The following TESK2 variants were observed in gnomAD, a reference collection of about 807,000 sequenced individuals.
The protein encoded by TESK2 is dual specificity testis-specific protein kinase 2.
Under a neutral mutation model 57.1 loss-of-function variants are expected in TESK2, and 39 were observed. That is an observed-to-expected ratio of 0.68 (90% CI 0.53 to 0.89). TESK2 has a LOEUF of 0.89. Ranked by LOEUF, TESK2 falls within the 40% of genes least tolerant of loss-of-function variation. The probability of loss-of-function intolerance (pLI) is 0.00; values close to 1 mark genes in which losing one functional copy is unlikely to be tolerated. For missense variants in TESK2, 646 were observed against 732.1 expected, an observed-to-expected ratio of 0.88 and a Z score of 1.36; for synonymous variants, 249 against 267.9, an observed-to-expected ratio of 0.93 and a Z score of 0.69.
intron 1 of TESK2, among the ~76,000 whole-genome samples, chr1:45,483,276 G>C (rs1299781313): frequency 6.8e-6 from 1 of 146,654 alleles, no homozygotes. Flanking sequence ...GAGAGACTTC[G>C]TCTCAAAAAA....
At chr1:45,404,126 A>G (rs922231134) in intron 3 of TESK2, among the ~76,000 whole-genome samples, 4 of 152,202 alleles carry the variant, frequency 2.6e-5, no homozygotes, top group Non-Finnish European at 5.9e-5. Flanking sequence ...CAAAATAGAA[A>G]TATAGACTTC....
At chr1:45,446,396 A>C (rs1346738365) in intron 2 of TESK2, among the ~76,000 whole-genome samples, 1 of 151,994 alleles carries the variant, frequency 6.6e-6, no homozygotes, top group Admixed American at 6.6e-5. Flanking sequence ...AGGAGCTGGA[A>C]GCACCAGGGA....
intron 3 of TESK2, among the ~76,000 whole-genome samples, chr1:45,413,097 G>A (rs983309674): frequency 2.0e-5 from 3 of 152,218 alleles, no homozygotes; most frequent in Admixed American, 1.3e-4. Context: ...TACAGATCTT[G>A]AGCATAAGAC....
intron 2 of TESK2, among the ~76,000 whole-genome samples, chr1:45,437,241 G>A (rs374871010): frequency 2.2e-4 from 33 of 151,920 alleles, no homozygotes; most frequent in East Asian, 7.7e-4. Context: ...TTTCATTAGC[G>A]TTTTGCAGTT....
At chr1:45,399,780 G>C (rs1344189802) in intron 3 of TESK2, among the ~76,000 whole-genome samples, 2 of 152,168 alleles carry the variant, frequency 1.3e-5, no homozygotes, top group Non-Finnish European at 2.9e-5. Context: ...TTCCAAGGCA[G>C]GTCTTTTCCT....
At chr1:45,392,478 G>A (rs1030738021) in intron 3 of TESK2, among the ~76,000 whole-genome samples, 3 of 152,054 alleles carry the variant, frequency 2.0e-5, no homozygotes, top group African/African-American at 7.2e-5. Flanking sequence ...AGAAGCTGGC[G>A]GATCACCTCA....
intron 3 of TESK2, among the ~76,000 whole-genome samples, chr1:45,421,373 A>G (rs7536005): frequency 0.05 from 7,558 of 152,256 alleles, 663 homozygotes; most frequent in African/African-American, 0.17. Flanking sequence ...TTTAATTACA[A>G]TTTCCCAAAA....
rs536219253 is a variant in TESK2, at chr1:45,386,170, C to A, written c.345-210G>T. Among the ~76,000 whole-genome samples the A allele has an allele frequency of 2.0e-5, 3 of 151,904 alleles. No homozygotes were observed. In the South Asian group the frequency reaches 6.2e-4, roughly 32 times the overall value. ...GACCATCCTGGCCAACATGGTGAAACCACATCTCTATTAAAAATACAAAAA... is the reference window on the plus strand; with the variant it reads ...GACCATCCTGGCCAACATGGTGAAAACACATCTCTATTAAAAATACAAAAA... On this transcript the variant is annotated intron_variant, in intron 3 of 10. Transcript: ENST00000372086.
intron 3 of TESK2, among the ~76,000 whole-genome samples, chr1:45,392,431 G>A (rs1005081256): frequency 3.3e-5 from 5 of 151,880 alleles, no homozygotes; most frequent in East Asian, 2.0e-4. Flanking sequence ...AGCCCGGCGC[G>A]GTGGCTCACG....
At chr1:45,385,820 T>C in intron 4 of TESK2, 92 bp downstream of exon 4, 1 of 859,590 alleles carries the variant, frequency 1.2e-6, no homozygotes, top group Non-Finnish European at 1.8e-6. Flanking sequence ...TGCACATACA[T>C]TTTGTTTACA....
intron 1 of TESK2, among the ~76,000 whole-genome samples, chr1:45,485,073 TA>T (rs1207976037): frequency 6.6e-5 from 10 of 151,878 alleles, no homozygotes; most frequent in African/African-American, 2.2e-4. Context: ...AAATTAAAAA[TA>T]AAAAATAAAG....
At chr1:45,464,954 A>G (rs1211265309) in intron 1 of TESK2, among the ~76,000 whole-genome samples, 1 of 151,906 alleles carries the variant, frequency 6.6e-6, no homozygotes, top group Non-Finnish European at 1.5e-5. Context: ...TACAAAAATT[A>G]GGCCAGACAC....
At chr1:45,356,890 C>T (rs1647446202) in intron 4 of TESK2, among the ~76,000 whole-genome samples, 2 of 152,202 alleles carry the variant, frequency 1.3e-5, no homozygotes, top group East Asian at 1.9e-4. Context: ...AATAGGAGAA[C>T]ATTCTAAATG....
At chr1:45,457,931 T>C in intron 1 of TESK2, 60 bp from the exon 2 acceptor site, 2 of 633,734 alleles carry the variant, frequency 3.2e-6, no homozygotes, top group Non-Finnish European at 2.7e-6. Context: ...TGTAAAGCAA[T>C]AAATGCTCAA....
intron 1 of TESK2, among the ~76,000 whole-genome samples, chr1:45,483,801 C>A (rs1653337494): frequency 6.7e-6 from 1 of 149,576 alleles, no homozygotes; most frequent in African/African-American, 2.5e-5. Flanking sequence ...AGTTTGAGAC[C>A]AGCCTAGGCA....
chr1:45,355,712 C>A (rs1265828458), intron 4 of TESK2, among the ~76,000 whole-genome samples: 4 of 152,018 alleles, frequency 2.6e-5, no homozygotes, highest in Admixed American at 2.0e-4. Context: ...TAGGACAACA[C>A]CATGCAGCAA....
intron 3 of TESK2, among the ~76,000 whole-genome samples, chr1:45,401,789 G>T (rs932113976): frequency 6.6e-6 from 1 of 152,062 alleles, no homozygotes; most frequent in Non-Finnish European, 1.5e-5. Flanking sequence ...ACCACTTTTG[G>T]TTTTTGATTC....
rs534949003 is a variant in TESK2 at position 45,397,709 on chromosome 1, C to T, written c.345-11749G>A. 1.6e-4 allele frequency among the ~76,000 whole-genome samples: 25 copies of T among 152,288 alleles called. No homozygotes were observed. In the East Asian group the frequency reaches 3.7e-3, roughly 22 times the overall value. ...TATGTTGCAGTTATACAACCTGCCA[C>T]TTCTAAATATGTCCTGAATCCTCCT... On this transcript the variant is annotated intron_variant, in intron 3 of 10. Transcript: ENST00000372086.
At chr1:45,410,593 G>A (rs1480957380) in intron 3 of TESK2, among the ~76,000 whole-genome samples, 12 of 150,188 alleles carry the variant, frequency 8.0e-5, no homozygotes, top group Admixed American at 2.0e-4. Flanking sequence ...CAACAAGAGC[G>A]AAACTCCAAC....
Sources: allele counts gnomAD v4.1 joint callset (sites outside exome capture counted in the v4.1 genomes callset), GRCh38; gene constraint gnomAD v4.1.1; transcripts MANE v1.5; gene names NCBI Gene and HGNC (gene_info 2026-07-23, HGNC 2026-07-21).